SLC9A9: variants seen among roughly 807,000 people sequenced by gnomAD.
SLC9A9 encodes solute carrier family 9 member A9.
Under a neutral mutation model 77.8 loss-of-function variants are expected in SLC9A9, and 62 were observed. The ratio of observed to expected loss-of-function variants is 0.80; its 90% confidence interval spans 0.65 to 0.98. The LOEUF is 0.98. Among genes scored for constraint, SLC9A9 ranks in the 50% least tolerant of loss-of-function variants. SLC9A9 has a pLI of 0.00. For missense variants in SLC9A9, 775 were observed against 774.9 expected, an observed-to-expected ratio of 1.00 and a Z score of 0.00; for synonymous variants, 320 against 283.5, an observed-to-expected ratio of 1.13 and a Z score of -1.29.
chr3:143,742,923 A>G (rs1174459304), intron 4 of SLC9A9, among the ~76,000 whole-genome samples: 3 of 152,144 alleles, frequency 2.0e-5, no homozygotes, highest in African/African-American at 7.2e-5. Flanking sequence ...AAAATATATT[A>G]TTTAAAAATT....
intron 11 of SLC9A9, among the ~76,000 whole-genome samples, chr3:143,478,473 GGT>G (rs2108578547): frequency 6.6e-6 from 1 of 152,288 alleles, no homozygotes; most frequent in East Asian, 1.9e-4. Context: ...GAGGCTGGGA[GGT>G]GGGGCTAGGA....
intron 4 of SLC9A9, among the ~76,000 whole-genome samples, chr3:143,755,951 GGAAAAA>G (rs1400803600): frequency 1.3e-5 from 2 of 152,058 alleles, no homozygotes; most frequent in Non-Finnish European, 2.9e-5. Flanking sequence ...TAAACTTCTT[GGAAAAA>G]GAAAAGAAGA....
intron 12 of SLC9A9, among the ~76,000 whole-genome samples, chr3:143,463,850 T>G (rs1339551514): frequency 6.6e-6 from 1 of 152,202 alleles, no homozygotes; most frequent in African/African-American, 2.4e-5. Context: ...CATATAAAGA[T>G]CATTATTTGT....
chr3:143,727,088 T>C lies in SLC9A9; in HGVS notation c.534-33781A>G, dbSNP rs144857831. On this transcript the variant is annotated intron_variant, in intron 4 of 15. Transcript: ENST00000316549. The stretch of plus-strand genomic sequence containing the variant: ...CTTCCCTAATGATAGGACAAAATGA[T>C]AAAAGCCTAAGTAGCACGACAAAAA... 1.1e-4 allele frequency among the ~76,000 whole-genome samples: 16 copies of C among 152,126 alleles called. No individual in the cohort carries two copies. The East Asian group carries it at 2.7e-3, about 26-fold the overall frequency.
intron 8 of SLC9A9, among the ~76,000 whole-genome samples, chr3:143,553,042 C>T (rs533976479): frequency 1.3e-5 from 2 of 152,184 alleles, no homozygotes; most frequent in East Asian, 1.9e-4. Flanking sequence ...AGGCTGGGTG[C>T]TCTGTCCTGC....
At chr3:143,614,446 G>A (rs939616997) in intron 6 of SLC9A9, among the ~76,000 whole-genome samples, 3 of 152,100 alleles carry the variant, frequency 2.0e-5, no homozygotes, top group Admixed American at 6.6e-5. Flanking sequence ...GGATATGTCC[G>A]GCTTGGGGGA....
intron 9 of SLC9A9, among the ~76,000 whole-genome samples, chr3:143,532,467 A>G (rs1180441936): frequency 6.6e-6 from 1 of 152,228 alleles, no homozygotes; most frequent in African/African-American, 2.4e-5. Flanking sequence ...TTGTTTAAAA[A>G]TATCAATGGA....
rs561382701 is a variant in SLC9A9 at position 143,574,731 on chromosome 3, AG to A, written c.895-539del. 6.6e-4 allele frequency among the ~76,000 whole-genome samples: 100 copies of A among 152,268 alleles called. 1 individual carries two copies. Among genetic ancestry groups the A allele is most frequent in the African/African-American group, 2.3e-3 (96 of 41,556 alleles). On this transcript the variant is annotated intron_variant, in intron 7 of 15. Transcript: ENST00000316549. ...TCTTGGTATAAGTAGGATAAGGAGA[AG>A]GTATGTTATTTATAGGTTCCATTAT...
Position 143,590,098 on chromosome 3 carries a change from A to G in SLC9A9, c.756-11375T>C, listed in dbSNP as rs16853878. ...GTTTTAATATGAAACTATATCCCAT[A>G]TCTCCTGGCATTCATACCAACACCA... On this transcript the variant is annotated intron_variant, in intron 6 of 15. Coordinates refer to ENST00000316549, the MANE Select transcript of SLC9A9 (RefSeq NM_173653.4). Among the ~76,000 whole-genome samples the G allele has an allele frequency of 8.6e-3, 1,309 of 152,290 alleles. 14 individuals are homozygous for G. The highest frequency in any genetic ancestry group is 0.03 in the South Asian group (145 of 4,828).
intron 4 of SLC9A9, among the ~76,000 whole-genome samples, chr3:143,755,112 A>C (rs917254762): frequency 2.6e-5 from 4 of 152,176 alleles, no homozygotes; most frequent in Non-Finnish European, 5.9e-5. Flanking sequence ...ATGGACATAT[A>C]ATCTTATAAC....
chr3:143,414,922 G>T (rs1250947763), intron 12 of SLC9A9, among the ~76,000 whole-genome samples: 4 of 152,212 alleles, frequency 2.6e-5, no homozygotes, highest in Non-Finnish European at 4.4e-5. Context: ...GAATGCAAAG[G>T]AAGAGTTCTT....
intron 4 of SLC9A9, among the ~76,000 whole-genome samples, chr3:143,716,717 A>G (rs934958888): frequency 6.6e-6 from 1 of 152,208 alleles, no homozygotes; most frequent in Admixed American, 6.5e-5. Context: ...AAACAAATCA[A>G]TCCTCAGATA....
At chr3:143,520,756 C>T (rs1014147731) in intron 9 of SLC9A9, among the ~76,000 whole-genome samples, 13 of 152,176 alleles carry the variant, frequency 8.5e-5, no homozygotes, top group African/African-American at 2.2e-4. Context: ...CCAGTCTGTG[C>T]TCTTAACCTT....
At chr3:143,428,484 T>C (rs1198005596) in intron 12 of SLC9A9, among the ~76,000 whole-genome samples, 1 of 152,100 alleles carries the variant, frequency 6.6e-6, no homozygotes, top group African/African-American at 2.4e-5. Flanking sequence ...ACATTGTTGG[T>C]AGAAATGTAA....
intron 9 of SLC9A9, among the ~76,000 whole-genome samples, chr3:143,531,051 C>T (rs901115509): frequency 2.0e-5 from 3 of 152,296 alleles, no homozygotes; most frequent in African/African-American, 7.2e-5. Flanking sequence ...TTATGAGCCA[C>T]AAACATTTTG....
chr3:143,815,629 G>A (rs541650887), intron 2 of SLC9A9, among the ~76,000 whole-genome samples: 87 of 152,200 alleles, frequency 5.7e-4, no homozygotes, highest in Non-Finnish European at 9.4e-4. Flanking sequence ...TCTTTGGGAG[G>A]CTGAGGTGGA....
intron 14 of SLC9A9, among the ~76,000 whole-genome samples, chr3:143,293,272 T>C (rs149405269): frequency 1.6e-4 from 25 of 152,320 alleles, no homozygotes; most frequent in African/African-American, 6.0e-4. Flanking sequence ...TATGCATTGG[T>C]TCAGGCAGGG....
intron 12 of SLC9A9, among the ~76,000 whole-genome samples, chr3:143,400,770 A>G (rs1443550016): frequency 6.6e-6 from 1 of 151,640 alleles, no homozygotes; most frequent in Non-Finnish European, 1.5e-5. Flanking sequence ...ATTCTGTGTC[A>G]AGCAACTTTT....
rs557755555 is a variant in SLC9A9, at chr3:143,699,655, T to G, written c.534-6348A>C. ...AAACCAGCCTTAGCCAGAGAGGAAT[T>G]GCCTATCCCAGCGAATAGAACTTGA... On this transcript the variant is annotated intron_variant, in intron 4 of 15. Transcript: ENST00000316549. Among the ~76,000 whole-genome samples, 7 of 152,280 alleles carry G rather than the reference T, an allele frequency of 4.6e-5. No homozygotes were observed. The South Asian group carries it at 1.5e-3, about 32-fold the overall frequency.
Sources: allele counts gnomAD v4.1 joint callset (sites outside exome capture counted in the v4.1 genomes callset), GRCh38; gene constraint gnomAD v4.1.1; transcripts MANE v1.5; gene names NCBI Gene and HGNC (gene_info 2026-07-23, HGNC 2026-07-21).